The following TENM3 variants were observed in gnomAD, a reference collection of about 807,000 sequenced individuals.
TENM3 encodes teneurin transmembrane protein 3, also known as teneurin-3.
TENM3 carries 63 observed loss-of-function variants against 255.1 expected under a neutral mutation model. That is an observed-to-expected ratio of 0.25 (90% CI 0.20 to 0.30). TENM3 has a LOEUF of 0.30. Ranked by LOEUF, TENM3 falls within the 10% of genes least tolerant of loss-of-function variation. TENM3 has a pLI of 1.00. For missense variants in TENM3, 2,929 were observed against 3,461.1 expected, an observed-to-expected ratio of 0.85 and a Z score of 3.86; for synonymous variants, 1,306 against 1,322.3, an observed-to-expected ratio of 0.99 and a Z score of 0.27.
the TENM3 span, among the ~76,000 whole-genome samples, chr4:181,521,323 T>C: frequency 6.6e-6 from 1 of 152,232 alleles, no homozygotes; most frequent in Non-Finnish European, 1.5e-5. Context: ...TGAGCAAAAA[T>C]AACTCTTACC....
chr4:182,443,203 C>A (rs981709077), intron 3 of TENM3, among the ~76,000 whole-genome samples: 3 of 152,058 alleles, frequency 2.0e-5, no homozygotes, highest in African/African-American at 7.2e-5. Context: ...AAAATGTATT[C>A]ATATTATCAA....
chr4:182,326,290 G>C (rs1763401079), intron 2 of TENM3, among the ~76,000 whole-genome samples: 1 of 152,224 alleles, frequency 6.6e-6, no homozygotes, highest in African/African-American at 2.4e-5. Flanking sequence ...AGGCAGGTGT[G>C]TGAGGCAGCT....
intron 3 of TENM3, among the ~76,000 whole-genome samples, chr4:182,447,443 C>T (rs1252981147): frequency 6.6e-6 from 1 of 152,002 alleles, no homozygotes; most frequent in Non-Finnish European, 1.5e-5. Flanking sequence ...TAAAAAGCGA[C>T]AAAAGTCAAG....
the TENM3 span, among the ~76,000 whole-genome samples, chr4:181,547,770 T>A: frequency 6.6e-6 from 1 of 152,198 alleles, no homozygotes; most frequent in Non-Finnish European, 1.5e-5. Context: ...TCCCAACTTT[T>A]TTTTTACCTT....
intron 1 of TENM3, among the ~76,000 whole-genome samples, chr4:182,218,318 C>T (rs568615743): frequency 7.9e-5 from 12 of 152,212 alleles, no homozygotes; most frequent in African/African-American, 2.2e-4. Flanking sequence ...TGGTGAATCC[C>T]GTAATCTTCT....
chr4:182,344,609 T>A (rs774527109), intron 2 of TENM3, among the ~76,000 whole-genome samples: 1 of 152,202 alleles, frequency 6.6e-6, no homozygotes, highest in Non-Finnish European at 1.5e-5. Flanking sequence ...AGCCACATTG[T>A]AGAGATTAGA....
At chr4:182,722,576 G>T (rs957260389) in intron 13 of TENM3, among the ~76,000 whole-genome samples, 2 of 152,138 alleles carry the variant, frequency 1.3e-5, no homozygotes, top group Non-Finnish European at 2.9e-5. Flanking sequence ...AGAGATCTCC[G>T]GGCAAAGGAA....
chr4:181,856,230 A>T, the TENM3 span, among the ~76,000 whole-genome samples: 3 of 151,534 alleles, frequency 2.0e-5, no homozygotes, highest in Non-Finnish European at 4.4e-5. Flanking sequence ...ATTTACAGTT[A>T]CCCCTACCTC....
At chr4:182,623,112 G>A (rs545303823) in intron 4 of TENM3, among the ~76,000 whole-genome samples, 38 of 149,758 alleles carry the variant, frequency 2.5e-4, no homozygotes, top group Admixed American at 8.0e-4. Context: ...CCAGGTTCAC[G>A]CCATTCTCCT....
chr4:182,407,007 C>T (rs1010508701), intron 3 of TENM3, among the ~76,000 whole-genome samples: 16 of 152,180 alleles, frequency 1.1e-4, no homozygotes, highest in Admixed American at 7.2e-4. Flanking sequence ...TGTTTGCTCT[C>T]ATTCCCTATG....
At chr4:181,997,297 C>T in the TENM3 span, among the ~76,000 whole-genome samples, 886 of 152,204 alleles carry the variant, frequency 5.8e-3, 8 homozygotes, top group Non-Finnish European at 9.5e-3. Flanking sequence ...GTCCTCAGTA[C>T]GTAAGCCTGA....
chr4:182,157,417 C>T (rs1361579065), intron 1 of TENM3, among the ~76,000 whole-genome samples: 1 of 152,220 alleles, frequency 6.6e-6, no homozygotes, highest in Non-Finnish European at 1.5e-5. Context: ...GGCAGAGACC[C>T]TTCTTCCCTG....
the TENM3 span, among the ~76,000 whole-genome samples, chr4:181,726,509 G>C: frequency 2.6e-5 from 4 of 152,286 alleles, no homozygotes; most frequent in African/African-American, 9.6e-5. Flanking sequence ...TATTGCTTCT[G>C]AATGTCAAAC....
chr4:181,553,260 AGT>A, the TENM3 span, among the ~76,000 whole-genome samples: 3,397 of 133,486 alleles, frequency 0.025, 82 homozygotes, highest in African/African-American at 0.057. Flanking sequence ...ATAGTCATTA[AGT>A]GTGTGTGTGT....
At chr4:181,761,013 C>T in the TENM3 span, among the ~76,000 whole-genome samples, 1 of 148,186 alleles carries the variant, frequency 6.7e-6, no homozygotes, top group African/African-American at 2.6e-5. Context: ...CACACACACA[C>T]CCCGAATAAT....
At chr4:182,322,766 A>T (rs1763138232) in intron 1 of TENM3, among the ~76,000 whole-genome samples, 1 of 152,172 alleles carries the variant, frequency 6.6e-6, no homozygotes, top group African/African-American at 2.4e-5. Context: ...AGAGACACTG[A>T]TTCTTTGAGA....
At chr4:182,095,363 T>TA in the TENM3 span, among the ~76,000 whole-genome samples, 1 of 152,168 alleles carries the variant, frequency 6.6e-6, no homozygotes, top group Non-Finnish European at 1.5e-5. Context: ...TATTTAGCCA[T>TA]AAAAAAGAAT....
chr4:182,439,973 T>C (rs538954600), intron 3 of TENM3, among the ~76,000 whole-genome samples: 1 of 152,262 alleles, frequency 6.6e-6, no homozygotes, highest in African/African-American at 2.4e-5. Context: ...GATTCCAGCT[T>C]GGCTGGTTGC....
At chr4:181,825,190 C>T in the TENM3 span, among the ~76,000 whole-genome samples, 722 of 152,190 alleles carry the variant, frequency 4.7e-3, 5 homozygotes, top group Middle Eastern at 0.014. Context: ...ATCATGAGGT[C>T]AAGAGACCAA....
Sources: allele counts gnomAD v4.1 joint callset (sites outside exome capture counted in the v4.1 genomes callset), GRCh38; gene constraint gnomAD v4.1.1; transcripts MANE v1.5; gene names NCBI Gene and HGNC (gene_info 2026-07-23, HGNC 2026-07-21).